Variants in NPAS3 observed in about 807,000 individuals in gnomAD.
NPAS3 encodes neuronal PAS domain protein 3, also known as neuronal PAS domain-containing protein 3.
NPAS3 carries 14 observed loss-of-function variants against 73.1 expected under a neutral mutation model. The observed-to-expected ratio is 0.19, with a 90% CI of 0.13 to 0.30. The LOEUF is 0.30. NPAS3 is among the 10% of genes least tolerant of loss of function. The pLI is 1.00. For synonymous variants in NPAS3, 620 were observed against 541.5 expected (o/e 1.14, Z -2.01); for missense variants, 1,096 against 1,250.0 (o/e 0.88, Z 1.86).
intron 1 of NPAS3, among the ~76,000 whole-genome samples, chr14:33,050,305 C>T (rs1404018542): frequency 6.6e-6 from 1 of 152,148 alleles, no homozygotes; most frequent in Non-Finnish European, 1.5e-5. Flanking sequence ...CTTATGTCTT[C>T]AACCCATTGG....
At chr14:33,378,411 G>C (rs1420936708) in intron 4 of NPAS3, among the ~76,000 whole-genome samples, 4 of 152,038 alleles carry the variant, frequency 2.6e-5, no homozygotes, top group Non-Finnish European at 4.4e-5. Flanking sequence ...TTTAAGTTTG[G>C]TGTTCCCTGA....
At chr14:33,077,818 T>C (rs969776715) in intron 2 of NPAS3, among the ~76,000 whole-genome samples, 6 of 135,288 alleles carry the variant, frequency 4.4e-5, no homozygotes, top group Non-Finnish European at 8.0e-5. Flanking sequence ...TTATATGAAA[T>C]AGATTTTTTA....
intron 1 of NPAS3, among the ~76,000 whole-genome samples, chr14:32,951,709 A>G (rs150800458): frequency 3.9e-5 from 6 of 152,288 alleles, no homozygotes; most frequent in Admixed American, 2.6e-4. Flanking sequence ...TGGATAGGCA[A>G]CTGCTTAAGG....
rs60426737 is a variant in NPAS3, at chr14:33,555,896, CTGTGTG to C, written c.469-4209_469-4204del. 2.3e-3 allele frequency among the ~76,000 whole-genome samples: 342 copies of C among 151,336 alleles called. 2 individuals carry two copies. The highest frequency in any genetic ancestry group is 8.0e-3 in the African/African-American group (332 of 41,248). On this transcript the variant is annotated intron_variant, in intron 4 of 11. Transcript: ENST00000356141. ...AATTAACCAATTGTTGTTGGTGTGT[CTGTGTG>C]TGTGTGTGTGTGTGTTTCACTTCTG... is the stretch of plus-strand genomic sequence containing the variant.
chr14:33,652,108 A>C (rs2059012045), intron 5 of NPAS3, among the ~76,000 whole-genome samples: 1 of 152,196 alleles, frequency 6.6e-6, no homozygotes, highest in Non-Finnish European at 1.5e-5. Flanking sequence ...TACTTGTATT[A>C]AATTTGCAAG....
At chr14:33,791,273 G>A (rs1428513000) in intron 9 of NPAS3, among the ~76,000 whole-genome samples, 3 of 152,214 alleles carry the variant, frequency 2.0e-5, no homozygotes, top group African/African-American at 7.2e-5. Context: ...GAAGCCGTGA[G>A]CCATTCCCTT....
At chr14:33,203,307 C>CT (rs1212077134) in intron 2 of NPAS3, among the ~76,000 whole-genome samples, 3 of 151,994 alleles carry the variant, frequency 2.0e-5, no homozygotes, top group Non-Finnish European at 4.4e-5. Context: ...AGGACCATGT[C>CT]TTTTTTTATT....
At position 33,587,134 on chromosome 14, in the gene NPAS3, G is replaced by C. The variant is rs188182361; in HGVS notation, c.558+26924G>C. Among the ~76,000 whole-genome samples the C allele has an allele frequency of 6.5e-4, 99 of 152,154 alleles. No individual in the cohort carries two copies. In the Middle Eastern group the frequency reaches 0.01, roughly 16 times the overall value. On this transcript the variant is annotated intron_variant, in intron 5 of 11. Coordinates refer to ENST00000356141, the Ensembl canonical transcript of NPAS3. The stretch of plus-strand genomic sequence containing the variant: ...ATAGTAATTCATATGGTTTCAATTT[G>C]AAAACTATTTTTGTGCCCTTTATTC...
intron 1 of NPAS3, among the ~76,000 whole-genome samples, chr14:32,987,474 T>C (rs1166498565): frequency 2.6e-5 from 4 of 152,170 alleles, no homozygotes. Flanking sequence ...GGATGATCCC[T>C]GAAAGCAGTT....
chr14:33,505,083 A>G (rs554912794), intron 4 of NPAS3, among the ~76,000 whole-genome samples: 2 of 152,176 alleles, frequency 1.3e-5, no homozygotes, highest in South Asian at 4.1e-4. Context: ...AAGGTTAACA[A>G]GTTAATACAC....
At chr14:33,723,764 G>C (rs964733992) in intron 6 of NPAS3, among the ~76,000 whole-genome samples, 5 of 151,488 alleles carry the variant, frequency 3.3e-5, no homozygotes, top group African/African-American at 1.2e-4. Context: ...TTCTTTCTCT[G>C]TTCTTAATGC....
chr14:33,721,601 C>A (rs190739901), intron 6 of NPAS3, among the ~76,000 whole-genome samples: 8 of 152,044 alleles, frequency 5.3e-5, no homozygotes, highest in Admixed American at 2.6e-4. Context: ...CACAATGAAT[C>A]GAAAATATTT....
At chr14:32,962,872 T>TTTTC (rs892148558) in intron 1 of NPAS3, among the ~76,000 whole-genome samples, 1 of 150,532 alleles carries the variant, frequency 6.6e-6, no homozygotes, top group East Asian at 1.9e-4. Context: ...CAGGGGTAGT[T>TTTTC]TTTCTTTCTT....
At chr14:33,615,779 C>T (rs921975176) in intron 5 of NPAS3, among the ~76,000 whole-genome samples, 7 of 152,130 alleles carry the variant, frequency 4.6e-5, no homozygotes, top group African/African-American at 7.2e-5. Flanking sequence ...TGAGAATCCC[C>T]GTAGCCATAT....
At chr14:33,429,287 T>A (rs1469898429) in intron 4 of NPAS3, among the ~76,000 whole-genome samples, 1 of 152,146 alleles carries the variant, frequency 6.6e-6, no homozygotes, top group African/African-American at 2.4e-5. Flanking sequence ...TGTAGCTGGT[T>A]ACGGGTTGAG....
At chr14:33,655,331 C>CTTTTT (rs3059406) in intron 5 of NPAS3, among the ~76,000 whole-genome samples, 9 of 105,888 alleles carry the variant, frequency 8.5e-5, no homozygotes, top group African/African-American at 1.5e-4. Flanking sequence ...ACCTTTGGCT[C>CTTTTT]TTTTTTTTTT....
intron 4 of NPAS3, among the ~76,000 whole-genome samples, chr14:33,523,289 A>G (rs1354188335): frequency 6.6e-6 from 1 of 152,092 alleles, no homozygotes; most frequent in Non-Finnish European, 1.5e-5. Flanking sequence ...GACTCAAGGC[A>G]CAGGGACCAA....
At chr14:33,059,629 G>A (rs543045269) in intron 2 of NPAS3, among the ~76,000 whole-genome samples, 3 of 152,256 alleles carry the variant, frequency 2.0e-5, no homozygotes, top group African/African-American at 7.2e-5. Context: ...TTACAATAAT[G>A]TCTGTGTTTT....
At chr14:33,789,287 T>C (rs1277375274) in intron 9 of NPAS3, among the ~76,000 whole-genome samples, 1 of 152,150 alleles carries the variant, frequency 6.6e-6, no homozygotes, top group Non-Finnish European at 1.5e-5. Flanking sequence ...CTTATAACTC[T>C]AAAGCTCCTA....
Sources: gnomAD v4.1 joint callset for allele counts (sites outside exome capture counted in the v4.1 genomes callset) on GRCh38, gnomAD v4.1.1 for gene constraint, MANE v1.5 for transcripts, NCBI Gene and HGNC (gene_info 2026-07-23, HGNC 2026-07-21) for gene names.